RBMS1: variants seen among roughly 807,000 people sequenced by gnomAD.
The protein encoded by RBMS1 is RNA binding motif single stranded interacting protein 1.
In RBMS1, 17 loss-of-function variants were observed where a neutral mutation model predicts 62.3. The ratio of observed to expected loss-of-function variants is 0.27; its 90% confidence interval spans 0.19 to 0.41. The LOEUF (loss-of-function observed/expected upper bound fraction) is 0.41. Among genes scored for constraint, RBMS1 ranks in the 10% least tolerant of loss-of-function variants. The pLI, the probability that RBMS1 is intolerant of heterozygous loss-of-function variation, is 1.00. For missense variants in RBMS1, 334 were observed against 504.5 expected (o/e 0.66, Z 3.24); for synonymous variants, 172 against 170.0 (o/e 1.01, Z -0.09).
intron 1 of RBMS1, among the ~76,000 whole-genome samples, chr2:160,423,371 C>T (rs10803764): frequency 2.3e-5 from 2 of 85,860 alleles, no homozygotes; most frequent in East Asian, 2.4e-4. Context: ...TAAAAAAAAG[C>T]GGGGTGGGGG....
chr2:160,432,736 G>T (rs930980838), intron 1 of RBMS1, among the ~76,000 whole-genome samples: 1 of 152,124 alleles, frequency 6.6e-6, no homozygotes, highest in South Asian at 2.1e-4. Context: ...TAAAGGTCAC[G>T]CAGGCCACCT....
intron 2 of RBMS1, among the ~76,000 whole-genome samples, chr2:160,324,866 A>ATGTGTGTG (rs368566224): frequency 1.1e-4 from 13 of 113,160 alleles, no homozygotes; most frequent in African/African-American, 4.0e-4. Context: ...TCTAAGCGAG[A>ATGTGTGTG]TGTGTGTGTG....
At chr2:160,470,116 T>G (rs185300131) in intron 1 of RBMS1, among the ~76,000 whole-genome samples, 31 of 152,306 alleles carry the variant, frequency 2.0e-4, no homozygotes, top group African/African-American at 7.0e-4. Flanking sequence ...TTGGAACAGC[T>G]CCACATCACA....
intron 11 of RBMS1, chr2:160,277,643 T>A: frequency 2.9e-6 from 1 of 343,378 alleles, no homozygotes; most frequent in Non-Finnish European, 5.4e-6. Context: ...AAGTTTATTA[T>A]GGGTGAAGAT....
chr2:160,364,836 G>A (rs1204680688), intron 2 of RBMS1, among the ~76,000 whole-genome samples: 1 of 152,128 alleles, frequency 6.6e-6, no homozygotes, highest in Non-Finnish European at 1.5e-5. Context: ...GCCCCCTGCA[G>A]AGCCAAATCA....
At chr2:160,491,388 T>C (rs1173566492) in intron 1 of RBMS1, among the ~76,000 whole-genome samples, 1 of 152,206 alleles carries the variant, frequency 6.6e-6, no homozygotes, top group African/African-American at 2.4e-5. Context: ...CACAAATCAA[T>C]ATTAAATGCT....
intron 1 of RBMS1, among the ~76,000 whole-genome samples, chr2:160,447,258 A>C (rs1012448268): frequency 6.6e-6 from 1 of 152,222 alleles, no homozygotes; most frequent in Non-Finnish European, 1.5e-5. Context: ...AAGAAAGATC[A>C]TGAAGGCTTG....
At chr2:160,405,437 T>G (rs2105239558) in intron 1 of RBMS1, among the ~76,000 whole-genome samples, 1 of 152,176 alleles carries the variant, frequency 6.6e-6, no homozygotes, top group East Asian at 1.9e-4. Flanking sequence ...AAAGCATTAA[T>G]TAGACTTCCC....
chr2:160,344,597 T>C (rs558715884), intron 2 of RBMS1, among the ~76,000 whole-genome samples: 64 of 152,268 alleles, frequency 4.2e-4, no homozygotes, highest in Admixed American at 2.4e-3. Context: ...GGAGGTCAAA[T>C]TTTAATTTTC....
chr2:160,434,771 T>C (rs540714753), intron 1 of RBMS1, among the ~76,000 whole-genome samples: 1 of 152,372 alleles, frequency 6.6e-6, no homozygotes, highest in East Asian at 1.9e-4. Flanking sequence ...ATCAGTTAAA[T>C]ATGGCAATTA....
At chr2:160,428,528 A>C (rs200671097) in intron 1 of RBMS1, among the ~76,000 whole-genome samples, 1 of 151,164 alleles carries the variant, frequency 6.6e-6, no homozygotes, top group Non-Finnish European at 1.5e-5. Context: ...GAAGAAAAAA[A>C]CTCTATGGAT....
chr2:160,343,964 C>T (rs1012175674), intron 2 of RBMS1, among the ~76,000 whole-genome samples: 5 of 152,080 alleles, frequency 3.3e-5, no homozygotes, highest in African/African-American at 1.2e-4. Context: ...ACATATTTTC[C>T]TATCCTACTC....
intron 1 of RBMS1, among the ~76,000 whole-genome samples, chr2:160,439,790 C>T (rs1431445821): frequency 1.3e-5 from 2 of 152,294 alleles, no homozygotes; most frequent in East Asian, 1.9e-4. Flanking sequence ...AACGAGACTC[C>T]GTCTGCAATC....
chr2:160,450,920 C>T (rs753226653), intron 1 of RBMS1, among the ~76,000 whole-genome samples: 71 of 152,094 alleles, frequency 4.7e-4, no homozygotes, highest in Non-Finnish European at 9.3e-4. Flanking sequence ...CGTCTGTAAT[C>T]CCAGCACTTT....
intron 1 of RBMS1, among the ~76,000 whole-genome samples, chr2:160,440,616 C>A (rs1454261259): frequency 6.6e-6 from 1 of 152,172 alleles, no homozygotes; most frequent in Non-Finnish European, 1.5e-5. Context: ...CGGTGATGTC[C>A]CTAGATCTGC....
At chr2:160,339,857 G>C (rs1691776617) in intron 2 of RBMS1, among the ~76,000 whole-genome samples, 1 of 152,110 alleles carries the variant, frequency 6.6e-6, no homozygotes, top group Non-Finnish European at 1.5e-5. Context: ...GATCATTACT[G>C]CTCATCAAAT....
At chr2:160,315,345 C>A (rs913363414) in intron 3 of RBMS1, among the ~76,000 whole-genome samples, 8 of 152,138 alleles carry the variant, frequency 5.3e-5, no homozygotes, top group Non-Finnish European at 1.2e-4. Flanking sequence ...TTGAGTTATA[C>A]AGACTCTATG....
chr2:160,336,810 G>A (rs1691598744), intron 2 of RBMS1, among the ~76,000 whole-genome samples: 1 of 152,174 alleles, frequency 6.6e-6, no homozygotes, highest in South Asian at 2.1e-4. Context: ...CCACTGTGCT[G>A]TGTACGCAGA....
At chr2:160,426,998 T>C (rs945533323) in intron 1 of RBMS1, among the ~76,000 whole-genome samples, 5 of 152,186 alleles carry the variant, frequency 3.3e-5, no homozygotes, top group African/African-American at 4.8e-5. Flanking sequence ...CAAATTGAGA[T>C]GGTTGGAATT....
Sources: gnomAD v4.1 joint callset for allele counts (sites outside exome capture counted in the v4.1 genomes callset) on GRCh38, gnomAD v4.1.1 for gene constraint, MANE v1.5 for transcripts, NCBI Gene and HGNC (gene_info 2026-07-23, HGNC 2026-07-21) for gene names.